Variants in LRP4 observed in about 807,000 individuals in gnomAD.
The protein encoded by LRP4 is LDL receptor related protein 4.
In LRP4, 95 loss-of-function variants were observed where a neutral mutation model predicts 220.3. That is an observed-to-expected ratio of 0.43 (90% CI 0.37 to 0.51). LRP4 has a LOEUF of 0.51. LRP4 is among the 20% of genes least tolerant of loss of function. The pLI, the probability that LRP4 is intolerant of heterozygous loss-of-function variation, is 0.00. For synonymous variants in LRP4, 903 were observed against 954.6 expected, an observed-to-expected ratio of 0.95 and a Z score of 1.00; for missense variants, 1,925 against 2,567.0, an observed-to-expected ratio of 0.75 and a Z score of 5.40.
In LRP4 at chr11:46,859,212, C is replaced by T. The variant is rs146864522; in HGVS notation, c.5489G>A (p.Arg1830Gln). 103 of 1,614,014 alleles carry T rather than the reference C, an allele frequency of 6.4e-5. 2 individuals carry two copies. The highest frequency in any genetic ancestry group is 5.0e-5 in the Admixed American group (3 of 59,996). ...DAEWDDLKQL[R>Q]SSRGGLLRDH... ...CCGGAGGAGGCCCCCCCGTGAGCTT[C>T]GCAGTTGCTTGAGGTCATCCCACTC... is the stretch of plus-strand genomic sequence containing the variant. The change falls in exon 38 of 38, where the codon CGA (arginine) becomes CAA (glutamine). Residue 1830 changes from arginine to glutamine, a missense_variant. Physicochemically the swap from Arg to Gln is conservative, Grantham distance 43. Transcript: ENST00000378623.
At chr11:46,879,721 A>G (rs1478182872) in intron 20 of LRP4, among the ~76,000 whole-genome samples, 1 of 152,264 alleles carries the variant, frequency 6.6e-6, no homozygotes, top group East Asian at 1.9e-4. Context: ...GAACTCAAGG[A>G]CATGACTTCA....
In LRP4 at chr11:46,873,358, G is replaced by T; in HGVS notation, c.4448+17C>A. On this transcript the variant is annotated intron_variant, in intron 29 of 37. Coordinates refer to ENST00000378623, the MANE Select transcript of LRP4 (RefSeq NM_002334.4). This position sits in a 1 kb window ranked among gnomAD's most constrained non-coding sequence, Gnocchi z 4.2. ...CCCTTCTTCCCTGGATCTCTCTTCT[G>T]CTGGCCATAAACTTACCCCTTCCTG... 2 of 1,613,484 alleles carry T rather than the reference G, an allele frequency of 1.2e-6. No individual in the cohort carries two copies. The highest frequency in any genetic ancestry group is 2.2e-5 in the East Asian group (1 of 44,846).
chr11:46,877,089 G>C, intron 23 of LRP4, 110 bp downstream of exon 23: 2 of 1,303,676 alleles, frequency 1.5e-6, no homozygotes, highest in Non-Finnish European at 1.1e-6. Context: ...AGGGAATGGG[G>C]AACAAACACC....
At position 46,879,046 on chromosome 11, in the gene LRP4, G is replaced by C. The variant is rs1360250199; in HGVS notation, c.3005-8C>G. 1 of 1,614,250 alleles carries C rather than the reference G, an allele frequency of 6.2e-7. No individual in the cohort carries two copies. Among genetic ancestry groups the C allele is most frequent in the South Asian group, 1.1e-5 (1 of 91,084 alleles). On this transcript the variant is annotated splice_region_variant and splice_polypyrimidine_tract_variant and intron_variant, in intron 21 of 37. Coordinates refer to ENST00000378623, the MANE Select transcript of LRP4 (RefSeq NM_002334.4). ...TAGCACATGGTGTAGACACTGGGTA[G>C]AGAGGAGGGGATGTTCAATGGGGAG... is the stretch of plus-strand genomic sequence containing the variant.
At position 46,881,988 on chromosome 11, in the gene LRP4, G is replaced by T. The variant is rs534687369; in HGVS notation, c.2613-85C>A. 305 of 1,326,836 alleles carry T rather than the reference G, an allele frequency of 2.3e-4. 3 individuals are homozygous for T. The South Asian group carries it at 2.9e-3, about 13-fold the overall frequency. 82.2% of individuals were successfully genotyped at this position (1,326,836 alleles called of 1,614,324 possible). A position where few individuals can be genotyped will look rare whatever the true frequency, so the allele number is the denominator to read the frequency against. ...GAGTACCTAGGATTTCAGGGTTTCT[G>T]CCTGAAGCAGATCCTCATCAGCCTC... On this transcript the variant is annotated intron_variant, in intron 19 of 37. Coordinates refer to ENST00000378623, the MANE Select transcript of LRP4 (RefSeq NM_002334.4).
chr11:46,895,017 T>C (rs1592540885), intron 11 of LRP4, 149 bp downstream of exon 11: 4 of 1,022,082 alleles, frequency 3.9e-6, no homozygotes, highest in South Asian at 3.8e-5. Flanking sequence ...CCCAGCAGCA[T>C]TTTTCTTGGG....
chr11:46,871,367 T>C (rs1422273685), intron 31 of LRP4, among the ~76,000 whole-genome samples, 158 bp downstream of exon 31: 3 of 152,092 alleles, frequency 2.0e-5, no homozygotes, highest in African/African-American at 7.2e-5. Flanking sequence ...TCGGTGGCCC[T>C]ACCAACCTAC....
intron 20 of LRP4, 83 bp from the exon 21 acceptor site, chr11:46,879,398 A>T: frequency 7.0e-7 from 1 of 1,433,874 alleles, no homozygotes. Flanking sequence ...TGGACTCAGA[A>T]AGCAGCTCTC....
intron 16 of LRP4, among the ~76,000 whole-genome samples, chr11:46,887,146 A>C (rs1018219783): frequency 2.6e-5 from 4 of 152,042 alleles, no homozygotes; most frequent in African/African-American, 9.7e-5. Flanking sequence ...CTCAGATCTG[A>C]CTCCAGAGAA....
intron 1 of LRP4, among the ~76,000 whole-genome samples, chr11:46,916,507 A>G (rs1268508417): frequency 2.6e-5 from 4 of 152,172 alleles, no homozygotes. Context: ...TCTGTGAAAC[A>G]TTAGACATAC....
chr11:46,903,314 T>G (rs1414367270), intron 1 of LRP4, among the ~76,000 whole-genome samples: 1 of 152,034 alleles, frequency 6.6e-6, no homozygotes, highest in Non-Finnish European at 1.5e-5. Context: ...GGCAACATAG[T>G]GAGACCTTGT....
chr11:46,900,064 A>G, intron 3 of LRP4, 88 bp from the exon 4 acceptor site: 1 of 1,125,884 alleles, frequency 8.9e-7, no homozygotes, highest in South Asian at 1.2e-5. Flanking sequence ...GCAGTCAAGT[A>G]GCTCCAGTGC....
chr11:46,882,530 T>A (rs1421225350), intron 19 of LRP4, among the ~76,000 whole-genome samples: 1 of 151,572 alleles, frequency 6.6e-6, no homozygotes, highest in Non-Finnish European at 1.5e-5. Context: ...ATGGGTTAAA[T>A]AAGTTAACAG....
intron 25 of LRP4, among the ~76,000 whole-genome samples, chr11:46,876,217 CGG>C (rs2134798911): frequency 1.3e-5 from 2 of 152,258 alleles, no homozygotes; most frequent in Admixed American, 1.3e-4. Context: ...GGTTAAATAC[CGG>C]ACCCAAGTGA....
At chr11:46,879,549 A>G (rs1471481164) in intron 20 of LRP4, among the ~76,000 whole-genome samples, 1 of 152,232 alleles carries the variant, frequency 6.6e-6, no homozygotes, top group Non-Finnish European at 1.5e-5. Context: ...GAAGTCATCT[A>G]TTACTCACAT....
chr11:46,892,232 C>T lies in LRP4; in HGVS notation c.1697+741G>A, dbSNP rs552607351. On this transcript the variant is annotated intron_variant, in intron 13 of 37. Transcript: ENST00000378623. ...ATAGGTGTGAGCCACTGTGCCCGGC[C>T]CCTCTATTAATTTTTAGGCTATAAT... 6.8e-4 allele frequency among the ~76,000 whole-genome samples: 104 copies of T among 152,100 alleles called. 1 individual carries two copies. Among genetic ancestry groups the T allele is most frequent in the African/African-American group, 2.4e-3 (100 of 41,478 alleles).
intron 13 of LRP4, among the ~76,000 whole-genome samples, chr11:46,891,464 C>CACACACACAG (rs1308481884): frequency 2.7e-5 from 4 of 147,092 alleles, no homozygotes; most frequent in African/African-American, 7.7e-5. Context: ...CACACACACA[C>CACACACACAG]AGACACACAC....
chr11:46,873,274 G>A lies in LRP4; in HGVS notation c.4449-40C>T. The stretch of plus-strand genomic sequence containing the variant: ...TGCCATCATCATCAAGGCATGGGAA[G>A]ACAGCACCCAGAGGTTGAGAGAACA... On this transcript the variant is annotated intron_variant, in intron 29 of 37. Transcript: ENST00000378623. This position sits in a 1 kb window ranked among gnomAD's most constrained non-coding sequence, Gnocchi z 4.2. The A allele has an allele frequency of 6.2e-7, 1 of 1,614,088 alleles. No homozygotes were observed. Among genetic ancestry groups the A allele is most frequent in the Non-Finnish European group, 8.5e-7 (1 of 1,179,964 alleles).
chr11:46,896,105 C>A (rs1264406829), intron 9 of LRP4, 87 bp from the exon 10 acceptor site: 10 of 1,611,472 alleles, frequency 6.2e-6, no homozygotes, highest in Non-Finnish European at 8.5e-6. Flanking sequence ...CCACAAAGAA[C>A]AGCTCCCAAA....
Sources: allele counts gnomAD v4.1 joint callset (sites outside exome capture counted in the v4.1 genomes callset), GRCh38; gene constraint gnomAD v4.1.1; non-coding constraint Gnocchi (gnomAD v3.1); transcripts MANE v1.5; gene names NCBI Gene and HGNC (gene_info 2026-07-23, HGNC 2026-07-21).